The following MACF1 variants were observed in gnomAD, a reference collection of about 807,000 sequenced individuals.
MACF1 encodes microtubule actin crosslinking factor 1, also known as microtubule-actin cross-linking factor 1.
Under a neutral mutation model 854.8 loss-of-function variants are expected in MACF1, and 193 were observed. That is an observed-to-expected ratio of 0.23 (90% CI 0.20 to 0.25). The LOEUF is 0.25. Ranked by LOEUF, MACF1 falls within the 10% of genes least tolerant of loss-of-function variation. The pLI is 1.00. For synonymous variants in MACF1, 3,185 were observed against 3,226.7 expected (o/e 0.99, Z 0.44); for missense variants, 7,722 against 8,929.1 (o/e 0.86, Z 5.45).
chr1:39,443,644 A>G (rs1413809379), intron 79 of MACF1, 70 bp downstream of exon 79: 7 of 1,435,062 alleles, frequency 4.9e-6, no homozygotes, highest in South Asian at 2.7e-5. Flanking sequence ...GTTCACAGTC[A>G]TAATTAATAT....
chr1:39,246,666 A>T (rs532746742), intron 2 of MACF1, among the ~76,000 whole-genome samples: 1 of 151,478 alleles, frequency 6.6e-6, no homozygotes, highest in African/African-American at 2.4e-5. Flanking sequence ...CCACGACCAC[A>T]CCCGGCTAAT....
rs374472978 is a variant in MACF1, at chr1:39,455,141, G to T, written c.21075+44G>T. The T allele has an allele frequency of 3.9e-5, 61 of 1,581,730 alleles. No individual in the cohort carries two copies. In the African/African-American group the frequency reaches 7.8e-4, roughly 20 times the overall value. ...GTGATCACTGGTGTTTTCCGTGTTG[G>T]GCATGGAGACCATCTCTGTTGCCCT... is the stretch of plus-strand genomic sequence containing the variant. On this transcript the variant is annotated intron_variant, in intron 89 of 100. Transcript: ENST00000564288.
At chr1:39,213,387 A>C (rs1644539341) in intron 1 of MACF1, among the ~76,000 whole-genome samples, 1 of 152,170 alleles carries the variant, frequency 6.6e-6, no homozygotes, top group Non-Finnish European at 1.5e-5. Context: ...GCTGGAGTGC[A>C]GTGGCACAAT....
At chr1:39,444,986 G>C in intron 80 of MACF1, 151 bp downstream of exon 80, 1 of 606,592 alleles carries the variant, frequency 1.6e-6, no homozygotes, top group Non-Finnish European at 2.7e-6. Flanking sequence ...TGCATTGATG[G>C]TATAAGTTTC....
At chr1:39,470,943 C>A (rs1339927319) in intron 97 of MACF1, among the ~76,000 whole-genome samples, 1 of 152,176 alleles carries the variant, frequency 6.6e-6, no homozygotes, top group Non-Finnish European at 1.5e-5. Context: ...ACACTGCTTG[C>A]TTTGTCCTTA....
At chr1:39,317,608 T>G (rs1295785677) in intron 29 of MACF1, among the ~76,000 whole-genome samples, 1 of 152,238 alleles carries the variant, frequency 6.6e-6, no homozygotes. Flanking sequence ...ATGCCTCTCC[T>G]GTGTCCCAGG....
intron 6 of MACF1, among the ~76,000 whole-genome samples, chr1:39,273,005 C>T (rs1416402715): frequency 6.6e-6 from 1 of 152,122 alleles, no homozygotes; most frequent in Non-Finnish European, 1.5e-5. Flanking sequence ...ACTACTAATA[C>T]CTGGCTTATT....
intron 69 of MACF1, 77 bp downstream of exon 69, chr1:39,434,709 G>A (rs545741565): frequency 7.0e-5 from 87 of 1,234,752 alleles, no homozygotes; most frequent in Admixed American, 1.1e-4. Flanking sequence ...ATTTGTTAGT[G>A]TCTATAGGTG....
At position 39,276,583 on chromosome 1, in the gene MACF1, C is replaced by CT. The variant is rs1203980827; in HGVS notation, c.529-5623dup. Among the ~76,000 whole-genome samples, 31 of 152,228 alleles carry CT rather than the reference C, an allele frequency of 2.0e-4. No homozygotes were observed. In the South Asian group the frequency reaches 6.4e-3, roughly 32 times the overall value. On this transcript the variant is annotated intron_variant, in intron 6 of 100. Coordinates refer to ENST00000564288, the MANE Select transcript of MACF1 (RefSeq NM_001394062.1). ...CTTTCTACGTGGAATTCCTTTCTTC[C>CT]TTGGCTTTCACCTGTTCTGTAACAC...
At chr1:39,124,493 C>A (rs1168609432) in intron 2 of MACF1, among the ~76,000 whole-genome samples, 1 of 152,152 alleles carries the variant, frequency 6.6e-6, no homozygotes, top group Non-Finnish European at 1.5e-5. Context: ...ATATTAAGCA[C>A]TGAGTCTAGC....
Position 39,432,642 on chromosome 1 carries a change from T to C in MACF1, c.17445T>C (p.Leu5815=). 6.2e-7 allele frequency: 1 copy of C among 1,613,952 alleles called. No homozygotes were observed. The highest frequency in any genetic ancestry group is 8.5e-7 in the Non-Finnish European group (1 of 1,179,936). ...RLEQDQTTAQ[L]QVQKAFSIDI... The stretch of plus-strand genomic sequence containing the variant: ...AACAGGACCAGACCACAGCTCAGCT[T>C]CAGGTACAGAAGGTACGTGCCCACT... Residue 5815 remains leucine, a synonymous_variant, in exon 67 of 101, where the codon CTT becomes CTC. Transcript: ENST00000564288.
At chr1:39,399,855 T>C (rs1410619748) in intron 58 of MACF1, among the ~76,000 whole-genome samples, 2 of 152,366 alleles carry the variant, frequency 1.3e-5, no homozygotes, top group East Asian at 3.9e-4. Flanking sequence ...AGCATATTGG[T>C]ATATACACAG....
At chr1:39,481,067 G>T (rs1447870556) in intron 99 of MACF1, 37 bp downstream of exon 99, 8 of 1,323,206 alleles carry the variant, frequency 6.0e-6, no homozygotes, top group Non-Finnish European at 8.5e-6. Flanking sequence ...ACACAGTCAA[G>T]ACGAGGCCCT....
At chr1:39,132,440 A>G (rs559114421) in intron 2 of MACF1, among the ~76,000 whole-genome samples, 3 of 152,310 alleles carry the variant, frequency 2.0e-5, no homozygotes, top group African/African-American at 7.2e-5. Flanking sequence ...GGCATTAGGC[A>G]TTGGAGTGCC....
chr1:39,212,279 G>A (rs1424439187), intron 1 of MACF1, among the ~76,000 whole-genome samples: 1 of 152,158 alleles, frequency 6.6e-6, no homozygotes, highest in East Asian at 1.9e-4. Flanking sequence ...GTTAAGAGCT[G>A]ACTGTCCTAA....
chr1:39,407,574 C>T (rs1642760845), intron 58 of MACF1, among the ~76,000 whole-genome samples: 2 of 152,164 alleles, frequency 1.3e-5, no homozygotes, highest in African/African-American at 2.4e-5. Context: ...GATCAGCAGC[C>T]GTTGTTGAAG....
chr1:39,382,102 C>A lies in MACF1; in HGVS notation c.13798C>A (p.Pro4600Thr). Residue 4600 changes from proline to threonine, a missense_variant, in exon 56 of 101, where the codon CCC (proline) becomes ACC (threonine). By Grantham distance (38) the Pro-to-Thr change is conservative (BLOSUM62 -1). Coordinates refer to ENST00000564288, the MANE Select transcript of MACF1 (RefSeq NM_001394062.1). ...EKELMMGVLG[P>T]LSIDPNMLNA... is the part of the protein sequence containing the mutation. ...AGAACTGATGATGGGAGTGCTGGGG[C>A]CCCTGTCTATTGACCCCAACATGTT... 6.2e-7 allele frequency: 1 copy of A among 1,614,060 alleles called. No individual in the cohort carries two copies. The highest frequency in any genetic ancestry group is 8.5e-7 in the Non-Finnish European group (1 of 1,180,022).
chr1:39,437,245 CT>C lies in MACF1; in HGVS notation c.17989-519del, dbSNP rs937004431. 4.2e-3 allele frequency among the ~76,000 whole-genome samples: 425 copies of C among 101,142 alleles called. 2 individuals carry two copies. Among genetic ancestry groups the C allele is most frequent in the Non-Finnish European group, 5.2e-3 (271 of 51,854 alleles). The allele number at this position is 101,142 out of a possible 152,430, so 66.4% of individuals were successfully genotyped here. On this transcript the variant is annotated intron_variant, in intron 70 of 100. Transcript: ENST00000564288. ...TTTAGATTCTTAAAATAAATATTGG[CT>C]TTTTTTTTTTTTAATGGGCCAGCTC...
intron 2 of MACF1, among the ~76,000 whole-genome samples, chr1:39,248,789 G>A (rs1645009973): frequency 6.6e-6 from 1 of 151,956 alleles, no homozygotes; most frequent in Non-Finnish European, 1.5e-5. Flanking sequence ...GTATGGTGGT[G>A]TGATCATAGC....
Sources: gnomAD v4.1 joint callset for allele counts (sites outside exome capture counted in the v4.1 genomes callset) on GRCh38, gnomAD v4.1.1 for gene constraint, MANE v1.5 for transcripts, NCBI Gene and HGNC (gene_info 2026-07-23, HGNC 2026-07-21) for gene names.